Variants in PUS7 observed in about 807,000 individuals in gnomAD.
PUS7 encodes the protein pseudouridylate synthase 7 homolog.
In PUS7, 48 loss-of-function variants were observed where a neutral mutation model predicts 79.8. That is an observed-to-expected ratio of 0.60 (90% CI 0.48 to 0.76). PUS7 has a LOEUF of 0.76. PUS7 is among the 30% of genes least tolerant of loss of function. The pLI, the probability that PUS7 is intolerant of heterozygous loss-of-function variation, is 0.00. For synonymous variants in PUS7, 286 were observed against 272.2 expected (o/e 1.05, Z -0.50); for missense variants, 729 against 797.6 (o/e 0.91, Z 1.04).
rs566219163 is a variant in PUS7, at chr7:105,514,230, C to CAA, written c.-32-5688_-32-5687dup. 6.8e-3 allele frequency among the ~76,000 whole-genome samples: 522 copies of CAA among 76,728 alleles called. 2 individuals are homozygous for CAA. The highest frequency in any genetic ancestry group is 0.022 in the East Asian group (57 of 2,560). The allele number at this position is 76,728 out of a possible 152,430, so 50.3% of individuals were successfully genotyped here. On this transcript the variant is annotated intron_variant, in intron 1 of 15. Coordinates refer to ENST00000469408, the MANE Select transcript of PUS7 (RefSeq NM_019042.5). Reference sequence around the variant, plus strand: ...TGGGTGACAGAGCAAGACTCCGTCTCAAAAAAAAAAAAAAATAGTTATTAT... The same window carrying CAA: ...TGGGTGACAGAGCAAGACTCCGTCTCAAAAAAAAAAAAAAAAATAGTTATTAT...
intron 8 of PUS7, 139 bp from the exon 9 acceptor site, chr7:105,481,316 T>G: frequency 1.8e-6 from 1 of 566,608 alleles, no homozygotes; most frequent in Non-Finnish European, 2.8e-6. Context: ...CAAGGGCTCT[T>G]TCTTTCTTTA....
At chr7:105,503,082 A>G (rs1423065248) in intron 4 of PUS7, among the ~76,000 whole-genome samples, 1 of 152,144 alleles carries the variant, frequency 6.6e-6, no homozygotes, top group Non-Finnish European at 1.5e-5. Flanking sequence ...ACACTGTACA[A>G]AGCACTGTGG....
intron 14 of PUS7, among the ~76,000 whole-genome samples, chr7:105,461,813 C>T (rs1453168387): frequency 6.6e-6 from 1 of 152,216 alleles, no homozygotes; most frequent in Non-Finnish European, 1.5e-5. Context: ...CAAACCTATA[C>T]AGCATGTTAC....
intron 14 of PUS7, 126 bp downstream of exon 14, chr7:105,462,495 C>T (rs1823473024): frequency 9.9e-7 from 1 of 1,009,764 alleles, no homozygotes; most frequent in Non-Finnish European, 1.5e-6. Flanking sequence ...TATGATACCA[C>T]CATCATATAA....
At chr7:105,518,047 C>G (rs1825961183) in intron 1 of PUS7, among the ~76,000 whole-genome samples, 1 of 152,038 alleles carries the variant, frequency 6.6e-6, no homozygotes, top group Non-Finnish European at 1.5e-5. Flanking sequence ...ACTCAGGAGG[C>G]TGAGACAGGA....
rs1224178022 is a variant in PUS7 at position 105,508,302 on chromosome 7, C to T, written c.211G>A (p.Gly71Arg). 2.5e-6 allele frequency: 4 copies of T among 1,614,170 alleles called. No individual in the cohort carries two copies. The highest frequency in any genetic ancestry group is 2.2e-5 in the East Asian group (1 of 44,882). The change falls in exon 2 of 16, where the codon GGA (glycine) becomes AGA (arginine). Residue 71 changes from glycine to arginine, a missense_variant. By Grantham distance (125) the Gly-to-Arg change is moderately radical. Coordinates refer to ENST00000469408, the MANE Select transcript of PUS7 (RefSeq NM_019042.5). ...PPDTVSTGKG[G>R]KNSEAQLEDE... ...TCCAACTGAGCCTCAGAATTCTTTC[C>T]ACCTTTCCCAGTACTGACAGTGTCA...
At chr7:105,461,038 T>C (rs1823406495) in intron 14 of PUS7, among the ~76,000 whole-genome samples, 1 of 152,060 alleles carries the variant, frequency 6.6e-6, no homozygotes. Flanking sequence ...AGGCTAATTT[T>C]TGTAATTTTT....
intron 9 of PUS7, among the ~76,000 whole-genome samples, chr7:105,475,425 T>C (rs1373145127): frequency 6.6e-6 from 1 of 152,052 alleles, no homozygotes; most frequent in South Asian, 2.1e-4. Context: ...GACCTTGTGA[T>C]CTGCCCCCCT....
At chr7:105,499,425 C>T (rs565648363) in intron 5 of PUS7, among the ~76,000 whole-genome samples, 1 of 152,306 alleles carries the variant, frequency 6.6e-6, no homozygotes, top group East Asian at 1.9e-4. Flanking sequence ...CTGTACCTAT[C>T]ACATGGCAGA....
In PUS7 at chr7:105,481,194, T is replaced by C; in HGVS notation, c.1050-17A>G. 1 of 1,597,528 alleles carries C rather than the reference T, an allele frequency of 6.3e-7. No individual in the cohort carries two copies. Among genetic ancestry groups the C allele is most frequent in the Non-Finnish European group, 8.5e-7 (1 of 1,173,644 alleles). On this transcript the variant is annotated splice_polypyrimidine_tract_variant and intron_variant, in intron 8 of 15. Transcript: ENST00000469408. ...GTTATATTTCTACAGGGACACAAAT[T>C]ATCCAGAGGAAAAAAAGTTACAGTC...
intron 2 of PUS7, 75 bp downstream of exon 2, chr7:105,508,040 G>A: frequency 1.4e-6 from 2 of 1,459,614 alleles, no homozygotes; most frequent in Non-Finnish European, 1.8e-6. Flanking sequence ...CTAAGTGGAA[G>A]AATATAAAGC....
chr7:105,508,130 C>G lies in PUS7; in HGVS notation c.383G>C (p.Gly128Ala), dbSNP rs1237615317. 1.2e-6 allele frequency: 2 copies of G among 1,612,018 alleles called. No individual in the cohort carries two copies. Among genetic ancestry groups the G allele is most frequent in the Non-Finnish European group, 1.7e-6 (2 of 1,178,820 alleles). The change falls in exon 2 of 16, where the codon GGA becomes GCA. Residue 128 changes from glycine (G) to alanine (A), a missense_variant. Physicochemically the swap from Gly to Ala is moderately conservative, Grantham distance 60. Transcript: ENST00000469408. ...CTAAATGTACCTTTCTTTTAAGATTCCCGAGAACCCTTGATGAGAACTCAC... is the reference window on the plus strand; with the variant it reads ...CTAAATGTACCTTTCTTTTAAGATTGCCGAGAACCCTTGATGAGAACTCAC... Reference protein sequence around the residue: ...KFVSSHQGFSGILKERYSDFV... With the variant: ...KFVSSHQGFSAILKERYSDFV...
At chr7:105,476,182 T>C (rs924679323) in intron 9 of PUS7, among the ~76,000 whole-genome samples, 1 of 151,232 alleles carries the variant, frequency 6.6e-6, no homozygotes, top group African/African-American at 2.4e-5. Flanking sequence ...TATTCCATTG[T>C]ATGTATGGGC....
At chr7:105,491,507 C>T in intron 7 of PUS7, 33 bp downstream of exon 7, 2 of 1,367,284 alleles carry the variant, frequency 1.5e-6, no homozygotes, top group Non-Finnish European at 2.0e-6. Context: ...AGGATATTTA[C>T]AGTATAAATC....
At chr7:105,515,616 T>C (rs1693792411) in intron 1 of PUS7, among the ~76,000 whole-genome samples, 1 of 152,172 alleles carries the variant, frequency 6.6e-6, no homozygotes, top group Non-Finnish European at 1.5e-5. Context: ...TTTAAGTCAA[T>C]GGCCCTATCA....
intron 9 of PUS7, among the ~76,000 whole-genome samples, chr7:105,473,860 T>C (rs1031042945): frequency 6.6e-6 from 1 of 152,254 alleles, no homozygotes; most frequent in Non-Finnish European, 1.5e-5. Flanking sequence ...GGCCTATATA[T>C]GCTTTCAAAA....
chr7:105,462,901 A>C, intron 13 of PUS7, 151 bp from the exon 14 acceptor site: 1 of 782,384 alleles, frequency 1.3e-6, no homozygotes, highest in Non-Finnish European at 2.0e-6. Context: ...TGTTCCCTGG[A>C]ATCAAAATTT....
chr7:105,490,017 G>A (rs2133169665), intron 7 of PUS7, among the ~76,000 whole-genome samples: 2 of 151,920 alleles, frequency 1.3e-5, no homozygotes, highest in South Asian at 4.2e-4. Context: ...TACTTGGGAG[G>A]CTGAGGCAGG....
Position 105,498,038 on chromosome 7 carries a change from T to C in PUS7, c.731-2785A>G, listed in dbSNP as rs77714439. Reference sequence around the variant, plus strand: ...AAATGAAGCCACAAGACTCAAAAACTAAATGCTGCTATACCTTAAGAGAAA... The same window carrying C: ...AAATGAAGCCACAAGACTCAAAAACCAAATGCTGCTATACCTTAAGAGAAA... On this transcript the variant is annotated intron_variant, in intron 5 of 15. Coordinates refer to ENST00000469408, the MANE Select transcript of PUS7 (RefSeq NM_019042.5). Among the ~76,000 whole-genome samples the C allele has an allele frequency of 9.6e-4, 147 of 152,340 alleles. 1 individual carries two copies. Among genetic ancestry groups the C allele is most frequent in the African/African-American group, 3.5e-3 (145 of 41,586 alleles).
Sources: allele counts gnomAD v4.1 joint callset (sites outside exome capture counted in the v4.1 genomes callset), GRCh38; gene constraint gnomAD v4.1.1; transcripts MANE v1.5; gene names NCBI Gene and HGNC (gene_info 2026-07-23, HGNC 2026-07-21).